Variants in PSMA1 observed in about 807,000 individuals in gnomAD.
PSMA1 encodes the protein proteasome subunit alpha type-1.
In PSMA1, 3 loss-of-function variants were observed where a neutral mutation model predicts 38.4. The ratio of observed to expected loss-of-function variants is 0.08; its 90% CI spans 0.04 to 0.20. The LOEUF is 0.20. Among genes scored for constraint, PSMA1 ranks in the 10% least tolerant of loss-of-function variants. The pLI is 1.00. For synonymous variants in PSMA1, 101 were observed against 107.1 expected, an observed-to-expected ratio of 0.94 and a Z score of 0.35; for missense variants, 227 against 325.3, an observed-to-expected ratio of 0.70 and a Z score of 2.32.
At chr11:14,511,212 C>T (rs550278309) in intron 7 of PSMA1, among the ~76,000 whole-genome samples, 6 of 151,974 alleles carry the variant, frequency 3.9e-5, no homozygotes, top group African/African-American at 9.6e-5. Flanking sequence ...ATCAAAATCC[C>T]GACTATAAAT....
intron 2 of PSMA1, among the ~76,000 whole-genome samples, chr11:14,604,699 C>T (rs1457027409): frequency 6.6e-6 from 1 of 152,056 alleles, no homozygotes; most frequent in Non-Finnish European, 1.5e-5. Context: ...AGTTTTTCAA[C>T]CCTTGCCCCC....
intron 2 of PSMA1, among the ~76,000 whole-genome samples, chr11:14,548,924 G>T (rs1851856530): frequency 6.6e-6 from 1 of 152,104 alleles, no homozygotes; most frequent in African/African-American, 2.4e-5. Flanking sequence ...CTAAATTTCA[G>T]TATAGAAAAT....
intron 2 of PSMA1, among the ~76,000 whole-genome samples, chr11:14,598,006 AC>A (rs1852523585): frequency 6.6e-6 from 1 of 152,056 alleles, no homozygotes; most frequent in African/African-American, 2.4e-5. Flanking sequence ...TTCGTTATTT[AC>A]CCAGTAGTCA....
rs4328177 is a variant in PSMA1, at chr11:14,514,352, A to G, written c.343+51T>C. ...TATATTCCTAATAATTAACACAAGT[A>G]TCAAAACCCTTCAAAGTTCATATCC... On this transcript the variant is annotated intron_variant, in intron 5 of 9. Transcript: ENST00000396394. 3.5e-4 allele frequency: 544 copies of G among 1,543,972 alleles called. 3 individuals are homozygous for G. In the South Asian group the frequency reaches 6.3e-3, roughly 18 times the overall value.
intron 2 of PSMA1, among the ~76,000 whole-genome samples, chr11:14,536,624 A>G (rs866255330): frequency 6.0e-5 from 9 of 150,558 alleles, no homozygotes; most frequent in Admixed American, 2.0e-4. Flanking sequence ...TTTTATTTTT[A>G]TTTTTGAGAC....
At chr11:14,628,040 A>G (rs1852938076) in intron 1 of PSMA1, among the ~76,000 whole-genome samples, 1 of 152,082 alleles carries the variant, frequency 6.6e-6, no homozygotes, top group East Asian at 1.9e-4. Context: ...CTTGAGCTCC[A>G]CCTCCTGTCA....
intron 2 of PSMA1, among the ~76,000 whole-genome samples, chr11:14,532,415 G>C (rs1589984994): frequency 6.7e-6 from 1 of 148,790 alleles, no homozygotes; most frequent in Non-Finnish European, 1.5e-5. Context: ...GATCAGCCTG[G>C]CCAAAATGGT....
chr11:14,520,903 C>T (rs149342372), upstream of PSMA1, among the ~76,000 whole-genome samples: 7 of 152,316 alleles, frequency 4.6e-5, no homozygotes, highest in East Asian at 7.7e-4. Context: ...TTGGAATGCT[C>T]TTCCTTATTC....
At chr11:14,568,765 T>C (rs1343855958) in intron 2 of PSMA1, among the ~76,000 whole-genome samples, 2 of 152,256 alleles carry the variant, frequency 1.3e-5, no homozygotes, top group African/African-American at 4.8e-5. Context: ...TAGCTCTTAG[T>C]GTCTTGGCTG....
intron 2 of PSMA1, among the ~76,000 whole-genome samples, chr11:14,518,501 C>T (rs956609780): frequency 6.6e-6 from 1 of 152,196 alleles, no homozygotes; most frequent in Non-Finnish European, 1.5e-5. Context: ...AGAATGAACA[C>T]ATCCGTTGTC....
intron 2 of PSMA1, among the ~76,000 whole-genome samples, chr11:14,589,524 C>G (rs1465817287): frequency 6.6e-6 from 1 of 151,478 alleles, no homozygotes; most frequent in African/African-American, 2.4e-5. Flanking sequence ...GGCAACAAGA[C>G]AGGTAGATCT....
Position 14,513,831 on chromosome 11 carries a change from T to G in PSMA1, c.400A>C (p.Ile134Leu). The G allele has an allele frequency of 6.3e-7, 1 of 1,597,058 alleles. No individual in the cohort carries two copies. Among genetic ancestry groups the G allele is most frequent in the Non-Finnish European group, 8.5e-7 (1 of 1,174,862 alleles). ...GRRPYGVGLL[I>L]AGYDDMGPHI... is the part of the protein sequence containing the mutation. Reference sequence around the variant, plus strand: ...AATGAACTTACATCATAACCAGCAATAAGGAGACCAACACCATATGGTCTC... The same window carrying G: ...AATGAACTTACATCATAACCAGCAAGAAGGAGACCAACACCATATGGTCTC... The change falls in exon 6 of 10, where the codon ATT (isoleucine) becomes CTT (leucine). Residue 134 changes from isoleucine (I) to leucine (L), a missense_variant. By Grantham distance (5) the Ile-to-Leu change is conservative. Transcript: ENST00000396394.
chr11:14,640,710 A>C (rs1853188828), intron 1 of PSMA1, among the ~76,000 whole-genome samples: 1 of 152,216 alleles, frequency 6.6e-6, no homozygotes, highest in African/African-American at 2.4e-5. Context: ...ATGCTAGAGA[A>C]AAGCTTGTCC....
At chr11:14,579,985 A>G (rs766926210) in intron 2 of PSMA1, among the ~76,000 whole-genome samples, 21 of 152,356 alleles carry the variant, frequency 1.4e-4, no homozygotes, top group African/African-American at 4.1e-4. Context: ...ATCTGTCTGC[A>G]GTGATAATGG....
intron 2 of PSMA1, among the ~76,000 whole-genome samples, chr11:14,583,706 A>G (rs1172334665): frequency 6.6e-6 from 1 of 152,226 alleles, no homozygotes; most frequent in South Asian, 2.1e-4. Context: ...GTTAGGCAGC[A>G]ATTATAAAAG....
chr11:14,630,587 T>C (rs1367283620), intron 1 of PSMA1, among the ~76,000 whole-genome samples: 1 of 151,822 alleles, frequency 6.6e-6, no homozygotes, highest in Admixed American at 6.6e-5. Context: ...TTGAGGATTT[T>C]TGCATCAATG....
intron 2 of PSMA1, among the ~76,000 whole-genome samples, chr11:14,592,376 C>CTCTA (rs1201045926): frequency 0.1 from 12,392 of 121,868 alleles, 657 homozygotes; most frequent in Middle Eastern, 0.16. Context: ...CTCTCTCTCT[C>CTCTA]TATATATATA....
At chr11:14,583,002 A>G (rs1198595543) in intron 2 of PSMA1, among the ~76,000 whole-genome samples, 1 of 152,168 alleles carries the variant, frequency 6.6e-6, no homozygotes, top group Non-Finnish European at 1.5e-5. Context: ...TTTTTGCTAC[A>G]CTGATTTTAA....
In PSMA1 at chr11:14,637,018, A is replaced by G. The variant is rs1381231417; in HGVS notation, c.-166+6437T>C. On this transcript the variant is annotated intron_variant, in intron 1 of 10. Transcript: ENST00000418988. ...ATTGGGTTTTGAAAAACAATTAAAT[A>G]CAATAAAAATTGATCATGGCTTCTC... Among the ~76,000 whole-genome samples, 10 of 152,222 alleles carry G rather than the reference A, an allele frequency of 6.6e-5. No individual in the cohort carries two copies. In the East Asian group the frequency reaches 1.9e-3, roughly 29 times the overall value.
Sources: gnomAD v4.1 joint callset for allele counts (sites outside exome capture counted in the v4.1 genomes callset) on GRCh38, gnomAD v4.1.1 for gene constraint, MANE v1.5 for transcripts, NCBI Gene and HGNC (gene_info 2026-07-23, HGNC 2026-07-21) for gene names.